The following WDR70 variants were observed in gnomAD, a reference collection of about 807,000 sequenced individuals.
WDR70 encodes WD repeat domain 70.
A neutral mutation model predicts 88.6 loss-of-function variants in WDR70; 53 were observed. That is an observed-to-expected ratio of 0.60 (90% CI 0.48 to 0.75). WDR70 has a LOEUF of 0.75. Ranked by LOEUF, WDR70 falls within the 30% of genes least tolerant of loss-of-function variation. The pLI is 0.00. For synonymous variants in WDR70, 280 were observed against 270.0 expected, an observed-to-expected ratio of 1.04 and a Z score of -0.36; for missense variants, 610 against 823.2, an observed-to-expected ratio of 0.74 and a Z score of 3.17.
chr5:37,514,191 T>C (rs1483741897), intron 8 of WDR70, among the ~76,000 whole-genome samples: 1 of 150,686 alleles, frequency 6.6e-6, no homozygotes, highest in African/African-American at 2.4e-5. Context: ...GTTTTTATTT[T>C]TAGTTTTTGT....
At chr5:37,657,370 T>C (rs1745583542) in intron 10 of WDR70, among the ~76,000 whole-genome samples, 1 of 152,138 alleles carries the variant, frequency 6.6e-6, no homozygotes, top group South Asian at 2.1e-4. Flanking sequence ...CAGTTGGAAA[T>C]GCAGAAATCA....
intron 10 of WDR70, among the ~76,000 whole-genome samples, chr5:37,640,765 G>A (rs1479982321): frequency 6.6e-6 from 1 of 152,198 alleles, no homozygotes; most frequent in Non-Finnish European, 1.5e-5. Flanking sequence ...GCACTTTTCT[G>A]TTCTGTCTCC....
At chr5:37,478,945 A>C (rs1210944140) in intron 7 of WDR70, among the ~76,000 whole-genome samples, 1 of 152,192 alleles carries the variant, frequency 6.6e-6, no homozygotes, top group Non-Finnish European at 1.5e-5. Flanking sequence ...GAGGGTGGAA[A>C]GGTATTGTAG....
chr5:37,501,423 G>A (rs2112220292), intron 8 of WDR70, among the ~76,000 whole-genome samples: 1 of 151,986 alleles, frequency 6.6e-6, no homozygotes, highest in Non-Finnish European at 1.5e-5. Flanking sequence ...CAGTCTTTTG[G>A]CTTCCTTGGG....
In WDR70 at chr5:37,474,028, T is replaced by C. The variant is rs180880660; in HGVS notation, c.687-5806T>C. Among the ~76,000 whole-genome samples, 342 of 152,346 alleles carry C rather than the reference T, an allele frequency of 2.2e-3. 1 individual carries two copies. Among genetic ancestry groups the C allele is most frequent in the Non-Finnish European group, 3.6e-3 (248 of 68,026 alleles). On this transcript the variant is annotated intron_variant, in intron 7 of 17. Transcript: ENST00000265107. ...ATATGTCACAAGTTCTAATTCATTA[T>C]ATTTTCATTATCATTCAGTTAACAT...
chr5:37,711,747 C>CA, intron 13 of WDR70, among the ~76,000 whole-genome samples: 1 of 152,250 alleles, frequency 6.6e-6, no homozygotes, highest in East Asian at 1.9e-4. Context: ...CTGATGGTGT[C>CA]ATGTGGGTGG....
rs923439822 is a variant in WDR70, at chr5:37,397,149, C to A, written c.492+579C>A. 1.8e-4 allele frequency among the ~76,000 whole-genome samples: 27 copies of A among 150,514 alleles called. No homozygotes were observed. In the South Asian group the frequency reaches 5.3e-3, roughly 30 times the overall value. On this transcript the variant is annotated intron_variant, in intron 5 of 17. Transcript: ENST00000265107. Reference sequence around the variant, plus strand: ...GAGACCCTGTCTCAAACCGCCCCCCCCAACCCCCCCGCAAAAAACCTGAGG... The same window carrying A: ...GAGACCCTGTCTCAAACCGCCCCCCACAACCCCCCCGCAAAAAACCTGAGG...
At position 37,599,612 on chromosome 5, in the gene WDR70, C is replaced by T. The variant is rs560368228; in HGVS notation, c.918-5452C>T. ...CATATGTAAAAAGGTGAATTTGGGG[C>T]CGGGCGTGGTGGCTCACGCCTATAA... is the stretch of plus-strand genomic sequence containing the variant. On this transcript the variant is annotated intron_variant, in intron 9 of 17. Transcript: ENST00000265107. Among the ~76,000 whole-genome samples the T allele has an allele frequency of 3.9e-5, 6 of 152,306 alleles. 1 individual carries two copies. The East Asian group carries it at 1.2e-3, about 29-fold the overall frequency.
intron 10 of WDR70, among the ~76,000 whole-genome samples, chr5:37,691,752 A>G (rs1387397719): frequency 6.6e-6 from 1 of 152,238 alleles, no homozygotes; most frequent in Non-Finnish European, 1.5e-5. Flanking sequence ...CCCACAAGAG[A>G]AAGCAGGAAA....
chr5:37,660,605 T>C lies in WDR70; in HGVS notation c.1093-37050T>C, dbSNP rs80109280. 8.2e-3 allele frequency among the ~76,000 whole-genome samples: 1,253 copies of C among 152,302 alleles called. 12 individuals carry two copies. Among genetic ancestry groups the C allele is most frequent in the African/African-American group, 0.021 (857 of 41,572 alleles). On this transcript the variant is annotated intron_variant, in intron 10 of 17. Coordinates refer to ENST00000265107, the MANE Select transcript of WDR70 (RefSeq NM_018034.4). ...TTTAGAGCCTCTACTTTGTCTGATA[T>C]ATAGCTTCTGCAGGTTACTTTTGAT...
chr5:37,467,786 G>A (rs572594836), intron 7 of WDR70, among the ~76,000 whole-genome samples: 2 of 151,386 alleles, frequency 1.3e-5, no homozygotes, highest in Admixed American at 6.6e-5. Context: ...GCGCTATCTC[G>A]GCTCACTGCA....
chr5:37,462,314 A>C (rs1277457490), intron 7 of WDR70, among the ~76,000 whole-genome samples: 1 of 151,790 alleles, frequency 6.6e-6, no homozygotes, highest in East Asian at 1.9e-4. Flanking sequence ...TAATTAATTA[A>C]TTTTTTGAGA....
At chr5:37,553,558 A>T (rs1313550347) in intron 9 of WDR70, among the ~76,000 whole-genome samples, 1 of 152,100 alleles carries the variant, frequency 6.6e-6, no homozygotes, top group Non-Finnish European at 1.5e-5. Flanking sequence ...TCAGGTGTGT[A>T]TGTGTCTGTG....
intron 6 of WDR70, among the ~76,000 whole-genome samples, chr5:37,441,217 C>T (rs756099903): frequency 4.6e-5 from 7 of 152,148 alleles, no homozygotes; most frequent in Non-Finnish European, 7.4e-5. Flanking sequence ...GAAGTCACTT[C>T]TAGATTTTTA....
intron 8 of WDR70, 142 bp from the exon 9 acceptor site, chr5:37,516,372 A>G: frequency 2.1e-6 from 1 of 486,108 alleles, no homozygotes; most frequent in Middle Eastern, 5.7e-4. Context: ...TTGGGATAAA[A>G]TAATATAGGT....
At chr5:37,437,035 C>G (rs906842406) in intron 5 of WDR70, among the ~76,000 whole-genome samples, 15 of 152,096 alleles carry the variant, frequency 9.9e-5, no homozygotes, top group African/African-American at 3.6e-4. Context: ...ATGCATTCCT[C>G]TTTACTGTCC....
intron 8 of WDR70, among the ~76,000 whole-genome samples, chr5:37,495,462 C>A (rs4869518): frequency 0.59 from 89,792 of 151,652 alleles, 28,031 homozygotes; most frequent in Non-Finnish European, 0.69. Context: ...CTCTCTCTCT[C>A]TCTTTCTCTC....
intron 9 of WDR70, among the ~76,000 whole-genome samples, chr5:37,579,012 ACTGT>A (rs1281368518): frequency 6.6e-6 from 1 of 152,212 alleles, no homozygotes; most frequent in Non-Finnish European, 1.5e-5. Context: ...GTGTCTTCAA[ACTGT>A]CTGTTCCTTG....
chr5:37,500,742 T>TTTTG (rs1740383904), intron 8 of WDR70, among the ~76,000 whole-genome samples: 2 of 133,224 alleles, frequency 1.5e-5, no homozygotes, highest in African/African-American at 2.7e-5. Context: ...TTTTTTTTTT[T>TTTTG]GAGACAGAGT....
Sources: allele counts gnomAD v4.1 joint callset (sites outside exome capture counted in the v4.1 genomes callset), GRCh38; gene constraint gnomAD v4.1.1; transcripts MANE v1.5; gene names NCBI Gene and HGNC (gene_info 2026-07-23, HGNC 2026-07-21).